The following PRKG1 variants were observed in gnomAD, a reference collection of about 807,000 sequenced individuals.
PRKG1 encodes protein kinase cGMP-dependent 1, also known as cGMP-dependent protein kinase 1.
In PRKG1, 35 loss-of-function variants were observed where a neutral mutation model predicts 88.1. The ratio of observed to expected loss-of-function variants is 0.40; its 90% CI spans 0.30 to 0.53. PRKG1 has a LOEUF of 0.53. PRKG1 is among the 20% of genes least tolerant of loss of function. PRKG1 has a pLI of 0.59. For missense variants in PRKG1, 540 were observed against 839.8 expected (o/e 0.64, Z 4.41); for synonymous variants, 303 against 292.5 (o/e 1.04, Z -0.37).
At chr10:52,268,466 A>T (rs369314154) in intron 10 of PRKG1, among the ~76,000 whole-genome samples, 1 of 151,942 alleles carries the variant, frequency 6.6e-6, no homozygotes, top group African/African-American at 2.4e-5. Flanking sequence ...GGTCCCTGGG[A>T]AGTGCCTAGG....
chr10:51,231,827 A>G (rs552360947), intron 2 of PRKG1, among the ~76,000 whole-genome samples: 39 of 152,186 alleles, frequency 2.6e-4, no homozygotes, highest in Non-Finnish European at 5.0e-4. Context: ...CAATCTAAAT[A>G]TATTGTTCCT....
At chr10:51,493,820 G>T (rs1469614720) in intron 3 of PRKG1, among the ~76,000 whole-genome samples, 2 of 152,052 alleles carry the variant, frequency 1.3e-5, no homozygotes, top group Non-Finnish European at 2.9e-5. Context: ...ATCATCATTT[G>T]CTCATTAAAT....
chr10:51,605,100 T>A (rs1359386517), intron 3 of PRKG1, among the ~76,000 whole-genome samples: 1 of 152,064 alleles, frequency 6.6e-6, no homozygotes, highest in Admixed American at 6.5e-5. Flanking sequence ...AAGGCTATAC[T>A]CCCCTCGGCA....
chr10:51,462,297 C>G (rs1839767972), intron 2 of PRKG1, among the ~76,000 whole-genome samples: 1 of 152,118 alleles, frequency 6.6e-6, no homozygotes, highest in Admixed American at 6.5e-5. Flanking sequence ...TAGGTTATTG[C>G]CAGCATTCTA....
chr10:51,164,918 C>A lies in PRKG1; in HGVS notation c.478+11588C>A, dbSNP rs192016990. On this transcript the variant is annotated intron_variant, in intron 2 of 17. Transcript: ENST00000373980. ...CTATGTGAAAAGACCAAATCTACGTCTGATTGGTGTACCTGAAATTGACGG... is the reference window on the plus strand; with the variant it reads ...CTATGTGAAAAGACCAAATCTACGTATGATTGGTGTACCTGAAATTGACGG... 4.3e-3 allele frequency among the ~76,000 whole-genome samples: 651 copies of A among 152,294 alleles called. 13 individuals are homozygous for A. Among genetic ancestry groups the A allele is most frequent in the African/African-American group, 0.015 (624 of 41,560 alleles).
chr10:52,108,825 C>CT (rs61504053), intron 7 of PRKG1, among the ~76,000 whole-genome samples: 17,468 of 122,630 alleles, frequency 0.14, 1,571 homozygotes, highest in Non-Finnish European at 0.16. Flanking sequence ...ACAAGTATTC[C>CT]TTTTTTTTTT....
intron 8 of PRKG1, among the ~76,000 whole-genome samples, chr10:52,136,931 T>C (rs1358176838): frequency 6.6e-6 from 1 of 152,080 alleles, no homozygotes; most frequent in East Asian, 1.9e-4. Flanking sequence ...TGCATTTGTA[T>C]ACTCTTAGCA....
intron 1 of PRKG1, among the ~76,000 whole-genome samples, chr10:51,144,471 A>G (rs1379018426): frequency 6.6e-6 from 1 of 152,110 alleles, no homozygotes; most frequent in Non-Finnish European, 1.5e-5. Flanking sequence ...ACACAGAATA[A>G]CTACTTAATA....
rs867258387 is a variant in PRKG1 at position 51,138,689 on chromosome 10, T to G, written c.312-14475T>G. 2.6e-3 allele frequency among the ~76,000 whole-genome samples: 344 copies of G among 132,698 alleles called. 9 individuals are homozygous for G. The highest frequency in any genetic ancestry group is 3.9e-3 in the Non-Finnish European group (241 of 61,598). The allele number at this position is 132,698 out of a possible 152,430, so 87.1% of individuals were successfully genotyped here. ...CATTGAGTTTTGTTTTTTTTTTTTT[T>G]TTTTTTTTTTTTGAGACAGAGTCTT... On this transcript the variant is annotated intron_variant, in intron 1 of 17. Coordinates refer to ENST00000373980, the MANE Select transcript of PRKG1 (RefSeq NM_006258.4).
At chr10:51,054,073 T>A (rs989429958) in intron 1 of PRKG1, among the ~76,000 whole-genome samples, 1 of 152,170 alleles carries the variant, frequency 6.6e-6, no homozygotes, top group Non-Finnish European at 1.5e-5. Context: ...ATTGGCAATA[T>A]CTTATTGTGC....
chr10:52,135,105 C>T (rs1325694070), intron 8 of PRKG1, among the ~76,000 whole-genome samples: 1 of 151,124 alleles, frequency 6.6e-6, no homozygotes, highest in East Asian at 1.9e-4. Context: ...AACCATGATA[C>T]AAGGCAAAAA....
chr10:51,233,091 A>G (rs1269793712), intron 2 of PRKG1, among the ~76,000 whole-genome samples: 1 of 152,186 alleles, frequency 6.6e-6, no homozygotes, highest in Non-Finnish European at 1.5e-5. Context: ...ATGCGCAAGA[A>G]TGTGAATGGT....
chr10:51,352,257 G>C (rs1431368509), intron 2 of PRKG1, among the ~76,000 whole-genome samples: 5 of 136,942 alleles, frequency 3.7e-5, no homozygotes, highest in Non-Finnish European at 6.7e-5. Flanking sequence ...GGAATTTAAA[G>C]AATTTTTTTT....
At chr10:51,861,820 C>A (rs1840880979) in intron 4 of PRKG1, among the ~76,000 whole-genome samples, 1 of 152,208 alleles carries the variant, frequency 6.6e-6, no homozygotes, top group Non-Finnish European at 1.5e-5. Flanking sequence ...TGCCCTTTTG[C>A]CAGCCGGAAA....
intron 3 of PRKG1, among the ~76,000 whole-genome samples, chr10:51,494,083 T>C (rs751962124): frequency 8.5e-5 from 13 of 152,190 alleles, no homozygotes; most frequent in Non-Finnish European, 1.9e-4. Flanking sequence ...TTTTTAGAGT[T>C]GGGGTCTTGC....
chr10:51,729,419 G>A (rs1034378449), intron 3 of PRKG1, among the ~76,000 whole-genome samples: 5 of 152,000 alleles, frequency 3.3e-5, no homozygotes, highest in Non-Finnish European at 5.9e-5. Context: ...AAAAGCCACT[G>A]TCAAGAATGA....
intron 5 of PRKG1, among the ~76,000 whole-genome samples, chr10:51,944,743 G>C (rs1842986720): frequency 6.6e-6 from 1 of 152,068 alleles, no homozygotes; most frequent in Non-Finnish European, 1.5e-5. Flanking sequence ...AGGTTGTTCA[G>C]TTTCCATGTA....
At chr10:51,460,029 T>C (rs1342480654) in intron 2 of PRKG1, among the ~76,000 whole-genome samples, 1 of 152,120 alleles carries the variant, frequency 6.6e-6, no homozygotes, top group Non-Finnish European at 1.5e-5. Flanking sequence ...TCAGGACTTC[T>C]CAACTCTGGC....
intron 2 of PRKG1, among the ~76,000 whole-genome samples, chr10:51,163,436 G>A (rs9415749): frequency 0.047 from 7,216 of 152,204 alleles, 572 homozygotes; most frequent in African/African-American, 0.16. Flanking sequence ...GAACAGCTCC[G>A]GTCTACAGCT....
Sources: gnomAD v4.1 joint callset for allele counts (sites outside exome capture counted in the v4.1 genomes callset) on GRCh38, gnomAD v4.1.1 for gene constraint, MANE v1.5 for transcripts, NCBI Gene and HGNC (gene_info 2026-07-23, HGNC 2026-07-21) for gene names.